The following GPC6 variants were observed in gnomAD, a reference collection of about 807,000 sequenced individuals.
The protein encoded by GPC6 is glypican 6.
GPC6 carries 14 observed loss-of-function variants against 55.2 expected under a neutral mutation model. The observed-to-expected ratio is 0.25, with a 90% CI of 0.17 to 0.40. The LOEUF (loss-of-function observed/expected upper bound fraction) is 0.40, where lower values mean the gene tolerates loss of function less well. Ranked by LOEUF, GPC6 falls within the 10% of genes least tolerant of loss-of-function variation. GPC6 has a pLI of 1.00. For synonymous variants in GPC6, 278 were observed against 259.6 expected (o/e 1.07, Z -0.68); for missense variants, 641 against 708.5 (o/e 0.90, Z 1.08).
chr13:93,556,398 G>GTATATATA (rs1555311039), intron 2 of GPC6, among the ~76,000 whole-genome samples: 5 of 114,614 alleles, frequency 4.4e-5, no homozygotes, highest in African/African-American at 1.6e-4. Flanking sequence ...GTGTGTGTAT[G>GTATATATA]TATGTATATG....
intron 1 of GPC6, among the ~76,000 whole-genome samples, chr13:93,309,267 A>G (rs1440137402): frequency 6.6e-6 from 1 of 151,198 alleles, no homozygotes; most frequent in Non-Finnish European, 1.5e-5. Flanking sequence ...ATATTTTGGT[A>G]GGTAAGTCTT....
chr13:93,766,145 C>T (rs1050238292), intron 2 of GPC6, among the ~76,000 whole-genome samples: 5 of 152,036 alleles, frequency 3.3e-5, no homozygotes, highest in African/African-American at 1.2e-4. Flanking sequence ...ATTTCTGTTC[C>T]TATTCAAATA....
intron 3 of GPC6, among the ~76,000 whole-genome samples, chr13:93,841,801 A>G (rs1230633539): frequency 1.3e-5 from 2 of 152,218 alleles, no homozygotes; most frequent in African/African-American, 4.8e-5. Flanking sequence ...AGTGGATTTT[A>G]TATGGAAATT....
chr13:94,285,174 A>G (rs1398406348), intron 4 of GPC6, among the ~76,000 whole-genome samples: 2 of 152,226 alleles, frequency 1.3e-5, no homozygotes, highest in Non-Finnish European at 2.9e-5. Context: ...AAGGCAAATG[A>G]ATTGAGATAA....
chr13:93,615,001 A>G (rs1878654480), intron 2 of GPC6, among the ~76,000 whole-genome samples: 1 of 152,134 alleles, frequency 6.6e-6, no homozygotes, highest in African/African-American at 2.4e-5. Flanking sequence ...ATGGGTATGA[A>G]TAAGGTCCTG....
At chr13:94,143,659 G>A (rs1365968569) in intron 4 of GPC6, among the ~76,000 whole-genome samples, 3 of 152,106 alleles carry the variant, frequency 2.0e-5, no homozygotes, top group Non-Finnish European at 4.4e-5. Context: ...AGGCCAAGGT[G>A]GGTGGATCGT....
chr13:94,384,022 G>A (rs982755177), intron 7 of GPC6, among the ~76,000 whole-genome samples: 1 of 152,206 alleles, frequency 6.6e-6, no homozygotes, highest in African/African-American at 2.4e-5. Flanking sequence ...CAACACATAG[G>A]GATTATGGGG....
intron 3 of GPC6, among the ~76,000 whole-genome samples, chr13:93,914,176 A>T (rs1018217932): frequency 6.6e-6 from 1 of 152,068 alleles, no homozygotes; most frequent in African/African-American, 2.4e-5. Context: ...TCAACTCGTC[A>T]TTTAACATTA....
At chr13:93,733,646 G>A (rs1566508896) in intron 2 of GPC6, among the ~76,000 whole-genome samples, 1 of 151,790 alleles carries the variant, frequency 6.6e-6, no homozygotes, top group Non-Finnish European at 1.5e-5. Context: ...ATGATTGGTA[G>A]TCCATTCCCA....
intron 7 of GPC6, among the ~76,000 whole-genome samples, chr13:94,396,404 A>G (rs1446221875): frequency 2.0e-5 from 3 of 152,212 alleles, no homozygotes; most frequent in African/African-American, 7.2e-5. Context: ...AAAAGAAAAG[A>G]ATAAAGGCAC....
intron 1 of GPC6, among the ~76,000 whole-genome samples, chr13:93,379,632 A>G (rs974923829): frequency 3.0e-4 from 46 of 152,290 alleles, no homozygotes; most frequent in Admixed American, 2.9e-3. Context: ...TTACTTCCTT[A>G]ATATGTAGGC....
intron 3 of GPC6, among the ~76,000 whole-genome samples, chr13:93,840,431 G>A (rs1887909076): frequency 6.6e-6 from 1 of 151,950 alleles, no homozygotes; most frequent in South Asian, 2.1e-4. Context: ...TGATATATTG[G>A]GAAAAATCAA....
chr13:94,096,720 C>G (rs1885670317), intron 4 of GPC6, among the ~76,000 whole-genome samples: 1 of 138,458 alleles, frequency 7.2e-6, no homozygotes, highest in Non-Finnish European at 1.7e-5. Context: ...AGCCATGTCT[C>G]TAGTTATAGG....
chr13:93,906,390 G>A (rs1225902964), intron 3 of GPC6, among the ~76,000 whole-genome samples: 1 of 152,118 alleles, frequency 6.6e-6, no homozygotes, highest in East Asian at 1.9e-4. Flanking sequence ...GCTTATTATA[G>A]TTGGGAATCA....
chr13:93,262,486 A>C (rs1877184764), intron 1 of GPC6, among the ~76,000 whole-genome samples: 1 of 152,196 alleles, frequency 6.6e-6, no homozygotes, highest in Non-Finnish European at 1.5e-5. Context: ...TTTATTTATG[A>C]ATTGGTAACA....
Position 93,517,942 on chromosome 13 carries a change from T to C in GPC6, c.161-27321T>C, listed in dbSNP as rs186896886. On this transcript the variant is annotated intron_variant, in intron 1 of 8. Transcript: ENST00000377047. ...CAAATCTCTCTTCTAATTTTAGTTA[T>C]AGTAAAATTCAGGGAAGAAATTGCT... 4.2e-3 allele frequency among the ~76,000 whole-genome samples: 617 copies of C among 148,396 alleles called. 2 individuals carry two copies. Among genetic ancestry groups the C allele is most frequent in the Admixed American group, 7.4e-3 (107 of 14,410 alleles).
intron 1 of GPC6, among the ~76,000 whole-genome samples, chr13:93,458,418 T>C (rs1210435188): frequency 1.3e-5 from 2 of 152,232 alleles, no homozygotes; most frequent in Admixed American, 1.3e-4. Context: ...CTGCACTTTA[T>C]GAAACATCCT....
intron 1 of GPC6, among the ~76,000 whole-genome samples, chr13:93,353,052 G>C (rs915923638): frequency 6.6e-6 from 1 of 152,130 alleles, no homozygotes; most frequent in African/African-American, 2.4e-5. Flanking sequence ...CAAGTGGTGG[G>C]ATATTGCATG....
intron 2 of GPC6, among the ~76,000 whole-genome samples, chr13:93,790,176 T>G (rs1885984001): frequency 6.6e-6 from 1 of 152,104 alleles, no homozygotes; most frequent in South Asian, 2.1e-4. Context: ...AGTACACAAA[T>G]TATGCCCAGT....
Sources: gnomAD v4.1 joint callset for allele counts (sites outside exome capture counted in the v4.1 genomes callset) on GRCh38, gnomAD v4.1.1 for gene constraint, MANE v1.5 for transcripts, NCBI Gene and HGNC (gene_info 2026-07-23, HGNC 2026-07-21) for gene names.